GALNTL6: variants seen among roughly 807,000 people sequenced by gnomAD.
The protein encoded by GALNTL6 is polypeptide N-acetylgalactosaminyltransferase like 6.
In GALNTL6, 46 loss-of-function variants were observed where a neutral mutation model predicts 73.7. That is an observed-to-expected ratio of 0.62 (90% CI 0.49 to 0.80). The LOEUF (loss-of-function observed/expected upper bound fraction) is 0.80. GALNTL6 is among the 30% of genes least tolerant of loss of function. The pLI, the probability that GALNTL6 is intolerant of heterozygous loss-of-function variation, is 0.00. For missense variants in GALNTL6, 604 were observed against 755.0 expected (o/e 0.80, Z 2.34); for synonymous variants, 259 against 263.7 (o/e 0.98, Z 0.17).
intron 2 of GALNTL6, among the ~76,000 whole-genome samples, chr4:171,982,349 G>C (rs557348821): frequency 2.4e-4 from 36 of 152,166 alleles, no homozygotes; most frequent in Admixed American, 1.3e-3. Flanking sequence ...CCAGGCTGGA[G>C]TGCAGTGGCG....
chr4:172,213,220 G>A (rs1446314347), intron 2 of GALNTL6, among the ~76,000 whole-genome samples: 1 of 152,072 alleles, frequency 6.6e-6, no homozygotes, highest in African/African-American at 2.4e-5. Flanking sequence ...TGCAGTTTGT[G>A]GGGATTGTAA....
At chr4:172,722,669 C>T (rs943904404) in intron 5 of GALNTL6, among the ~76,000 whole-genome samples, 1 of 151,992 alleles carries the variant, frequency 6.6e-6, no homozygotes, top group East Asian at 1.9e-4. Flanking sequence ...TGTACCATAC[C>T]ATAAGTGAAC....
intron 4 of GALNTL6, among the ~76,000 whole-genome samples, chr4:172,337,536 CT>C (rs1741381178): frequency 6.6e-6 from 1 of 151,938 alleles, no homozygotes; most frequent in African/African-American, 2.4e-5. Flanking sequence ...GCTTAAAAAG[CT>C]TAGTTTAGTG....
intron 8 of GALNTL6, among the ~76,000 whole-genome samples, chr4:172,889,439 A>C (rs1745903159): frequency 6.6e-6 from 1 of 152,118 alleles, no homozygotes; most frequent in Admixed American, 6.5e-5. Flanking sequence ...TTTAATGCCT[A>C]GTTTGTTGAG....
chr4:172,232,875 A>G (rs1737116140), intron 3 of GALNTL6, among the ~76,000 whole-genome samples: 1 of 152,036 alleles, frequency 6.6e-6, no homozygotes, highest in Admixed American at 6.6e-5. Flanking sequence ...TTTGCTCCAC[A>G]CAGTGTTCTT....
At chr4:171,961,054 T>C (rs1739205873) in intron 2 of GALNTL6, among the ~76,000 whole-genome samples, 1 of 152,112 alleles carries the variant, frequency 6.6e-6, no homozygotes, top group Non-Finnish European at 1.5e-5. Flanking sequence ...GGGTTGGGAC[T>C]CCTTTCCAGT....
chr4:172,794,017 T>C (rs1248764396), intron 5 of GALNTL6, among the ~76,000 whole-genome samples: 1 of 152,168 alleles, frequency 6.6e-6, no homozygotes, highest in Non-Finnish European at 1.5e-5. Context: ...CTTCTGCCTG[T>C]CCAAGAAAAG....
At chr4:172,152,830 G>A (rs571736947) in intron 2 of GALNTL6, among the ~76,000 whole-genome samples, 2 of 152,030 alleles carry the variant, frequency 1.3e-5, no homozygotes, top group South Asian at 4.2e-4. Context: ...GTTTGGTCTC[G>A]AACTCTTGGC....
At chr4:172,351,335 T>C (rs1741937993) in intron 5 of GALNTL6, among the ~76,000 whole-genome samples, 1 of 152,108 alleles carries the variant, frequency 6.6e-6, no homozygotes, top group African/African-American at 2.4e-5. Flanking sequence ...AGGACTGCCT[T>C]AACATTTAAA....
At chr4:172,274,227 C>T (rs531226378) in intron 3 of GALNTL6, among the ~76,000 whole-genome samples, 1 of 152,222 alleles carries the variant, frequency 6.6e-6, no homozygotes, top group South Asian at 2.1e-4. Context: ...AACTGTGAAA[C>T]TTTAAGTGCT....
chr4:172,810,114 C>T (rs1286544198), intron 6 of GALNTL6, among the ~76,000 whole-genome samples: 1 of 152,196 alleles, frequency 6.6e-6, no homozygotes, highest in African/African-American at 2.4e-5. Context: ...CCTAAATATA[C>T]AGTTCTTTGT....
At chr4:172,310,815 A>G (rs1740328478) in intron 3 of GALNTL6, among the ~76,000 whole-genome samples, 1 of 152,020 alleles carries the variant, frequency 6.6e-6, no homozygotes, top group South Asian at 2.1e-4. Context: ...AGAAAAAAGT[A>G]AAATCATCTG....
At chr4:172,436,201 T>C (rs1240574417) in intron 5 of GALNTL6, among the ~76,000 whole-genome samples, 2 of 152,128 alleles carry the variant, frequency 1.3e-5, no homozygotes, top group African/African-American at 4.8e-5. Flanking sequence ...CATTATGAAT[T>C]AGAAGGCTGT....
chr4:172,727,015 A>G (rs911666297), intron 5 of GALNTL6, among the ~76,000 whole-genome samples: 4 of 152,260 alleles, frequency 2.6e-5, no homozygotes, highest in Admixed American at 1.3e-4. Flanking sequence ...TGGCATTCAG[A>G]TTAAAAACTT....
chr4:172,790,061 A>G (rs933254223), intron 5 of GALNTL6, among the ~76,000 whole-genome samples: 8 of 152,250 alleles, frequency 5.3e-5, no homozygotes, highest in Non-Finnish European at 1.0e-4. Flanking sequence ...TCCAATAAAA[A>G]CTATGAGTCA....
At chr4:172,641,498 C>T (rs1351355788) in intron 5 of GALNTL6, among the ~76,000 whole-genome samples, 1 of 152,060 alleles carries the variant, frequency 6.6e-6, no homozygotes, top group Non-Finnish European at 1.5e-5. Context: ...TGCTTTAGAG[C>T]CTTTGTTCTG....
At chr4:172,833,063 T>G (rs1247355267) in intron 7 of GALNTL6, among the ~76,000 whole-genome samples, 1 of 150,498 alleles carries the variant, frequency 6.6e-6, no homozygotes, top group African/African-American at 2.5e-5. Flanking sequence ...TGAGAGTGTG[T>G]GTGTGTTATG....
At chr4:172,738,807 T>C (rs993352807) in intron 5 of GALNTL6, among the ~76,000 whole-genome samples, 3 of 152,142 alleles carry the variant, frequency 2.0e-5, no homozygotes, top group Admixed American at 2.0e-4. Flanking sequence ...TTTGGTTTGG[T>C]CCAGAAAGGT....
intron 7 of GALNTL6, among the ~76,000 whole-genome samples, chr4:172,865,880 G>C (rs1579583772): frequency 6.6e-6 from 1 of 152,134 alleles, no homozygotes; most frequent in Middle Eastern, 3.4e-3. Context: ...GCCCCAAACC[G>C]AACTCATAAT....
Sources: gnomAD v4.1 joint callset for allele counts (sites outside exome capture counted in the v4.1 genomes callset) on GRCh38, gnomAD v4.1.1 for gene constraint, MANE v1.5 for transcripts, NCBI Gene and HGNC (gene_info 2026-07-23, HGNC 2026-07-21) for gene names.